The following ACP3 variants were observed in gnomAD, a reference collection of about 807,000 sequenced individuals.
ACP3 encodes acid phosphatase 3.
ACP3 carries 38 observed loss-of-function variants against 45.6 expected under a neutral mutation model. That is an observed-to-expected ratio of 0.83 (90% confidence interval 0.64 to 1.09). The LOEUF (loss-of-function observed/expected upper bound fraction) is 1.09, where lower values mean the gene tolerates loss of function less well. Ranked by LOEUF, ACP3 falls within the 50% of genes least tolerant of loss-of-function variation. ACP3 has a pLI of 0.00. For synonymous variants in ACP3, 162 were observed against 164.7 expected (o/e 0.98, Z 0.13); for missense variants, 466 against 463.2 (o/e 1.01, Z -0.05).
chr3:132,333,670 T>A lies in ACP3; in HGVS notation c.456+1326T>A, dbSNP rs559299384. Among the ~76,000 whole-genome samples the A allele has an allele frequency of 3.3e-5, 5 of 152,326 alleles. No individual in the cohort carries two copies. In the South Asian group the frequency reaches 1.0e-3, roughly 32 times the overall value. ...CAGGATGATTCATTTACATCTCTTT[T>A]CCTTCACAGAATCATGAGGGAAGTA... On this transcript the variant is annotated intron_variant, in intron 4 of 9. Coordinates refer to ENST00000336375, the MANE Select transcript of ACP3 (RefSeq NM_001099.5).
Position 132,337,573 on chromosome 3 carries a change from T to G in ACP3, c.555+19T>G. ...TTATAAGGTTAAAAGCTAGTTTTGT[T>G]TAGTGGTACTTGTTAGTTTGTTAGT... On this transcript the variant is annotated intron_variant, in intron 5 of 9. Transcript: ENST00000336375. 6.6e-7 allele frequency: 1 copy of G among 1,508,806 alleles called. No individual in the cohort carries two copies. 93.5% of individuals were successfully genotyped at this position (1,508,806 alleles called of 1,614,324 possible). A position where few individuals can be genotyped will look rare whatever the true frequency, so the allele number is the denominator to read the frequency against.
At chr3:132,363,582 T>C (rs907707233), downstream of ACP3, among the ~76,000 whole-genome samples, 1 of 152,200 alleles carries the variant, frequency 6.6e-6, no homozygotes, top group Non-Finnish European at 1.5e-5. Flanking sequence ...TTTCAATAGT[T>C]CTCTATCAAG....
chr3:132,356,653 A>T (rs781004401), intron 9 of ACP3, 33 bp from the exon 10 acceptor site: 1 of 1,612,564 alleles, frequency 6.2e-7, no homozygotes, highest in Admixed American at 1.7e-5. Context: ...ACACAGAACT[A>T]ACAGAGCTCT....
chr3:132,364,980 C>T (rs1938107022), intron 10 of ACP3, among the ~76,000 whole-genome samples: 1 of 152,226 alleles, frequency 6.6e-6, no homozygotes, highest in Non-Finnish European at 1.5e-5. Context: ...AATCTATCTG[C>T]AGTTCTAATG....
intron 1 of ACP3, among the ~76,000 whole-genome samples, chr3:132,320,111 G>T (rs61793786): frequency 0.19 from 28,453 of 152,088 alleles, 2,783 homozygotes; most frequent in Non-Finnish European, 0.2. Context: ...TGTTTAAAAG[G>T]TCTCTTTAAT....
In ACP3 at chr3:132,331,715, G is replaced by C; in HGVS notation, c.285G>C (p.Glu95Asp). The change falls in exon 3 of 10, where the codon GAG (glutamate) becomes GAC (aspartate). Residue 95 changes from glutamate to aspartate, a missense_variant. Glu to Asp is a conservative substitution (Grantham distance 45, BLOSUM62 2). Coordinates refer to ENST00000336375, the MANE Select transcript of ACP3 (RefSeq NM_001099.5). ...IRKRYRKFLN[E>D]SYKHEQVYIR... is the part of the protein sequence containing the mutation. The stretch of plus-strand genomic sequence containing the variant: ...AGAGATATAGAAAATTCTTGAATGA[G>C]TCCTATAAACATGAACAGGCAAGTT... 1 of 1,608,554 alleles carries C rather than the reference G, an allele frequency of 6.2e-7. No homozygotes were observed. The highest frequency in any genetic ancestry group is 2.2e-5 in the East Asian group (1 of 44,748).
At chr3:132,340,477 G>C (rs1937541761) in intron 5 of ACP3, among the ~76,000 whole-genome samples, 1 of 152,110 alleles carries the variant, frequency 6.6e-6, no homozygotes, top group Non-Finnish European at 1.5e-5. Context: ...GTCATGTTTA[G>C]AAAAGCTTTC....
At chr3:132,365,858 G>A (rs972196650) in intron 10 of ACP3, among the ~76,000 whole-genome samples, 4 of 152,124 alleles carry the variant, frequency 2.6e-5, no homozygotes, top group Non-Finnish European at 5.9e-5. Context: ...AGGCATTGTA[G>A]CGGGCACCTG....
intron 8 of ACP3, among the ~76,000 whole-genome samples, chr3:132,352,224 G>A (rs115240752): frequency 0.011 from 1,719 of 152,026 alleles, 36 homozygotes; most frequent in African/African-American, 0.039. Flanking sequence ...TTATCGAGAT[G>A]GAGTCCCGCT....
intron 2 of ACP3, among the ~76,000 whole-genome samples, chr3:132,328,727 A>G (rs1476387447): frequency 1.3e-5 from 2 of 150,960 alleles, no homozygotes; most frequent in East Asian, 4.2e-4. Context: ...CTCAAGGGGA[A>G]ATGTATATAG....
chr3:132,335,999 G>A (rs1028314610), intron 4 of ACP3, among the ~76,000 whole-genome samples: 7 of 152,172 alleles, frequency 4.6e-5, no homozygotes, highest in Non-Finnish European at 7.3e-5. Context: ...GGTGGCTCAC[G>A]CCTGTAATCC....
intron 7 of ACP3, among the ~76,000 whole-genome samples, chr3:132,347,164 T>A (rs759085930): frequency 7.2e-5 from 11 of 152,232 alleles, no homozygotes; most frequent in Non-Finnish European, 1.2e-4. Context: ...GATCTTGGAT[T>A]CTAAAGGCTG....
intron 7 of ACP3, among the ~76,000 whole-genome samples, chr3:132,348,173 G>A (rs890765095): frequency 2.6e-5 from 4 of 152,126 alleles, no homozygotes; most frequent in East Asian, 3.8e-4. Flanking sequence ...AACCTCTGCT[G>A]TAGACTAGAA....
At chr3:132,337,116 T>G (rs1937505100) in intron 4 of ACP3, among the ~76,000 whole-genome samples, 1 of 151,102 alleles carries the variant, frequency 6.6e-6, no homozygotes, top group Non-Finnish European at 1.5e-5. Context: ...GTGCACCTAC[T>G]GCAAGAAATG....
At chr3:132,364,345 C>G (rs968940476) in intron 10 of ACP3, among the ~76,000 whole-genome samples, 1 of 146,516 alleles carries the variant, frequency 6.8e-6, no homozygotes, top group East Asian at 2.6e-4. Context: ...GAGACCCTAT[C>G]TCAAAAAACA....
downstream of ACP3, among the ~76,000 whole-genome samples, chr3:132,359,313 C>T (rs961350334): frequency 2.6e-5 from 4 of 152,214 alleles, no homozygotes; most frequent in South Asian, 4.1e-4. Context: ...GAGATTGAGA[C>T]CATCCTGGCT....
chr3:132,364,757 GA>G (rs1437316652), intron 10 of ACP3, among the ~76,000 whole-genome samples: 1 of 152,122 alleles, frequency 6.6e-6, no homozygotes, highest in Non-Finnish European at 1.5e-5. Context: ...CACATGTCTA[GA>G]AAGGAAAGAA....
intron 1 of ACP3, among the ~76,000 whole-genome samples, chr3:132,327,070 A>C (rs1206183698): frequency 1.3e-5 from 2 of 152,234 alleles, no homozygotes; most frequent in African/African-American, 4.8e-5. Flanking sequence ...CATGGGTACA[A>C]ATATAGAAGT....
At chr3:132,329,556 G>T (rs909893686) in intron 2 of ACP3, among the ~76,000 whole-genome samples, 28 of 152,138 alleles carry the variant, frequency 1.8e-4, no homozygotes, top group Non-Finnish European at 4.1e-4. Flanking sequence ...TGAAAGAGAG[G>T]CTACAAAAAT....
Sources: allele counts gnomAD v4.1 joint callset (sites outside exome capture counted in the v4.1 genomes callset), GRCh38; gene constraint gnomAD v4.1.1; transcripts MANE v1.5; gene names NCBI Gene and HGNC (gene_info 2026-07-23, HGNC 2026-07-21).